ABCA13: variants seen among roughly 807,000 people sequenced by gnomAD.
ABCA13 encodes ATP binding cassette subfamily A member 13, also known as ATP-binding cassette sub-family A member 13.
In ABCA13, 476 loss-of-function variants were observed where a neutral mutation model predicts 478.7. That is an observed-to-expected ratio of 0.99 (90% CI 0.92 to 1.07). The LOEUF (loss-of-function observed/expected upper bound fraction) is 1.07, where lower values mean the gene tolerates loss of function less well. Ranked by LOEUF, ABCA13 falls within the 50% of genes least tolerant of loss-of-function variation. ABCA13 has a pLI of 0.00. For synonymous variants in ABCA13, 2,252 were observed against 2,158.9 expected (o/e 1.04, Z -1.20); for missense variants, 6,060 against 5,910.6 (o/e 1.03, Z -0.83).
At chr7:48,293,636 A>G (rs1401060091) in intron 20 of ABCA13, among the ~76,000 whole-genome samples, 2 of 152,190 alleles carry the variant, frequency 1.3e-5, no homozygotes, top group Non-Finnish European at 2.9e-5. Context: ...CATAGATGTT[A>G]TATGTTTGTG....
At chr7:48,317,439 T>C (rs926910432) in intron 27 of ABCA13, 143 bp downstream of exon 27, 14 of 987,230 alleles carry the variant, frequency 1.4e-5, no homozygotes, top group Non-Finnish European at 2.0e-5. Flanking sequence ...TTAGCCTGAG[T>C]GTTTTTCCTG....
rs547964868 is a variant in ABCA13 at position 48,306,442 on chromosome 7, G to A, written c.9322-3505G>A. Among the ~76,000 whole-genome samples the A allele has an allele frequency of 3.3e-4, 50 of 152,320 alleles. 1 individual carries two copies. Among genetic ancestry groups the A allele is most frequent in the Non-Finnish European group, 5.3e-4 (36 of 68,030 alleles). On this transcript the variant is annotated intron_variant, in intron 23 of 61. Coordinates refer to ENST00000435803, the MANE Select transcript of ABCA13 (RefSeq NM_152701.5). ...AGCCAGGGTGATTCCCCTGAATTGG[G>A]GGTTTGGATGAGGTCCATTTTGAGG...
rs1471929455 is a variant in ABCA13 at position 48,288,019 on chromosome 7, A to G, written c.8896A>G (p.Ile2966Val). 2 of 1,614,030 alleles carry G rather than the reference A, an allele frequency of 1.2e-6. No individual in the cohort carries two copies. The highest frequency in any genetic ancestry group is 1.1e-5 in the South Asian group (1 of 91,080). Residue 2966 changes from isoleucine to valine, a missense_variant, in exon 20 of 62, where the codon ATA (isoleucine) becomes GTA (valine). Physicochemically the swap from Ile to Val is conservative, Grantham distance 29. Coordinates refer to ENST00000435803, the MANE Select transcript of ABCA13 (RefSeq NM_152701.5). ...CATLSCKQNG[I>V]RHLILSAIQG... ...TACTCTGAGTTGCAAGCAAAATGGGATAAGGCATCTCATTTTATCTGCTAT... is the reference window on the plus strand; with the variant it reads ...TACTCTGAGTTGCAAGCAAAATGGGGTAAGGCATCTCATTTTATCTGCTAT...
At chr7:48,177,716 ACTC>A (rs1168677279) in intron 1 of ABCA13, among the ~76,000 whole-genome samples, 39 of 152,044 alleles carry the variant, frequency 2.6e-4, no homozygotes, top group African/African-American at 8.9e-4. Flanking sequence ...GTGAGATGGA[ACTC>A]CTGATAACTC....
In ABCA13 at chr7:48,281,358, T is replaced by C. The variant is rs754996071; in HGVS notation, c.8742T>C (p.Cys2914=). 1.2e-6 allele frequency: 2 copies of C among 1,605,562 alleles called. No individual in the cohort carries two copies. The highest frequency in any genetic ancestry group is 1.7e-6 in the Non-Finnish European group (2 of 1,175,948). The change falls in exon 19 of 62, where the codon TGT becomes TGC. Residue 2914 remains cysteine, a synonymous_variant. Coordinates refer to ENST00000435803, the MANE Select transcript of ABCA13 (RefSeq NM_152701.5). ...TTTTGCTAAGTGTTGTTGAGATTTGTGAAGTTTTCCAGCAGACTGTGAAGC... is the reference window on the plus strand; with the variant it reads ...TTTTGCTAAGTGTTGTTGAGATTTGCGAAGTTTTCCAGCAGACTGTGAAGC... ...PLTDQSVVEI[C]EVFQQTVKPS... is the part of the protein sequence containing the mutation.
intron 41 of ABCA13, among the ~76,000 whole-genome samples, chr7:48,426,037 G>C (rs13236501): frequency 1.1e-4 from 16 of 152,050 alleles, no homozygotes; most frequent in African/African-American, 3.9e-4. Context: ...CACCGCGCCC[G>C]GCCTCTTATT....
Position 48,274,810 on chromosome 7 carries a change from A to G in ABCA13, c.5144A>G (p.Lys1715Arg), listed in dbSNP as rs1467623235. ...VVNLLVGLMEKFADSSHSWNV... is the reference protein window; with the variant it reads ...VVNLLVGLMERFADSSHSWNV... ...AATTTGCTTGTTGGCTTGATGGAAAAATTTGCAGACAGCTCACATTCTTGG... is the reference window on the plus strand; with the variant it reads ...AATTTGCTTGTTGGCTTGATGGAAAGATTTGCAGACAGCTCACATTCTTGG... The change falls in exon 17 of 62, where the codon AAA becomes AGA. Residue 1715 changes from lysine to arginine, a missense_variant. Transcript: ENST00000435803. 1 of 1,613,914 alleles carries G rather than the reference A, an allele frequency of 6.2e-7. No homozygotes were observed. Among genetic ancestry groups the G allele is most frequent in the South Asian group, 1.1e-5 (1 of 91,080 alleles).
At chr7:48,341,887 T>TATATATCTTTCTGATATATATAC in intron 29 of ABCA13, among the ~76,000 whole-genome samples, 1 of 145,302 alleles carries the variant, frequency 6.9e-6, no homozygotes, top group Non-Finnish European at 1.5e-5. Context: ...CTGATATATA[T>TATATATCTTTCTGATATATATAC]ATATATATCT....
In ABCA13 at chr7:48,387,813, A is replaced by AT. The variant is rs1815415930; in HGVS notation, c.11336-3dup. 6 of 1,547,490 alleles carry AT rather than the reference A, an allele frequency of 3.9e-6. No individual in the cohort carries two copies. Among genetic ancestry groups the AT allele is most frequent in the South Asian group, 1.2e-5 (1 of 81,430 alleles). ...AAATTAAACTAATTTTAATTGTTTC[A>AT]TTTTTTAGGAACATTTGGTTTACGG... On this transcript the variant is annotated splice_polypyrimidine_tract_variant and intron_variant, in intron 35 of 61. Coordinates refer to ENST00000435803, the MANE Select transcript of ABCA13 (RefSeq NM_152701.5).
At chr7:48,265,179 T>G (rs530559343) in intron 15 of ABCA13, among the ~76,000 whole-genome samples, 16 of 151,870 alleles carry the variant, frequency 1.1e-4, no homozygotes, top group African/African-American at 3.9e-4. Context: ...ACTATCTTGG[T>G]TATCATAGCT....
At chr7:48,619,826 A>G (rs975714374) in intron 59 of ABCA13, among the ~76,000 whole-genome samples, 1 of 152,024 alleles carries the variant, frequency 6.6e-6, no homozygotes, top group Non-Finnish European at 1.5e-5. Context: ...AGACAGGTAG[A>G]CCTCTGCAAC....
At chr7:48,410,977 C>CTCTCTCTTTCTT (rs1554499567) in intron 40 of ABCA13, among the ~76,000 whole-genome samples, 7 of 104,696 alleles carry the variant, frequency 6.7e-5, no homozygotes, top group African/African-American at 2.2e-4. Flanking sequence ...AAATTCTTTT[C>CTCTCTCTTTCTT]TCTTTCTTTC....
intron 14 of ABCA13, among the ~76,000 whole-genome samples, chr7:48,248,704 T>C (rs889278133): frequency 2.6e-5 from 4 of 152,210 alleles, no homozygotes; most frequent in African/African-American, 9.6e-5. Flanking sequence ...GTCCAAGGTA[T>C]GCATGTGATG....
intron 15 of ABCA13, among the ~76,000 whole-genome samples, chr7:48,265,652 A>G (rs1055424860): frequency 6.6e-6 from 1 of 151,612 alleles, no homozygotes; most frequent in African/African-American, 2.4e-5. Flanking sequence ...AACATGCTAA[A>G]TTTACTTTTT....
chr7:48,427,665 A>C, intron 41 of ABCA13, 101 bp from the exon 42 acceptor site: 2 of 730,982 alleles, frequency 2.7e-6, no homozygotes, highest in Middle Eastern at 2.8e-4. Flanking sequence ...TGTGTTTGGC[A>C]TATGTTGTCA....
Position 48,278,406 on chromosome 7 carries a change from A to T in ABCA13, c.7212A>T (p.Lys2404Asn), listed in dbSNP as rs1432515035. ...TGAATAAGTCTGAGGACCTCTTCAA[A>T]CTCAATCAAGATCTTGGGTCAGCTC... ...FHVNKSEDLF[K>N]LNQDLGSALH... is the part of the protein sequence containing the mutation. The change falls in exon 18 of 62, where the codon AAA (lysine) becomes AAT (asparagine). Residue 2404 changes from lysine to asparagine, a missense_variant. Transcript: ENST00000435803. 6.2e-7 allele frequency: 1 copy of T among 1,613,904 alleles called. No homozygotes were observed.
Position 48,198,337 on chromosome 7 carries a change from A to G in ABCA13, c.264A>G (p.Glu88=). The change falls in exon 3 of 62, where the codon GAA becomes GAG. Residue 88 remains glutamate, a synonymous_variant. Transcript: ENST00000435803. ...TGSRCRNFSY[E]GSMEHHFRLS... The stretch of plus-strand genomic sequence containing the variant: ...CAAGGTGTAGGAACTTCAGCTATGA[A>G]GGGTCAATGGAGCATCATTTTCGGT... 3.7e-6 allele frequency: 6 copies of G among 1,613,806 alleles called. No homozygotes were observed. The highest frequency in any genetic ancestry group is 5.1e-6 in the Non-Finnish European group (6 of 1,179,806).
In ABCA13 at chr7:48,273,203, C is replaced by T; in HGVS notation, c.3537C>T (p.Phe1179=). The change falls in exon 17 of 62, where the codon TTC becomes TTT. Residue 1179 remains phenylalanine, a synonymous_variant. Transcript: ENST00000435803. ...MNVFTSLHHG[F]TQLLDELEDD... Reference sequence around the variant, plus strand: ...TTTTCACATCTCTTCATCATGGTTTCACTCAGCTTTTGGATGAATTGGAAG... The same window carrying T: ...TTTTCACATCTCTTCATCATGGTTTTACTCAGCTTTTGGATGAATTGGAAG... 6.2e-7 allele frequency: 1 copy of T among 1,613,678 alleles called. No homozygotes were observed. The highest frequency in any genetic ancestry group is 8.5e-7 in the Non-Finnish European group (1 of 1,179,764).
At chr7:48,399,803 C>T (rs1817344441) in intron 38 of ABCA13, among the ~76,000 whole-genome samples, 2 of 152,120 alleles carry the variant, frequency 1.3e-5, no homozygotes, top group African/African-American at 4.8e-5. Context: ...GGGGCTTCAG[C>T]AGAGGTGGGG....
Sources: gnomAD v4.1 joint callset for allele counts (sites outside exome capture counted in the v4.1 genomes callset) on GRCh38, gnomAD v4.1.1 for gene constraint, MANE v1.5 for transcripts, NCBI Gene and HGNC (gene_info 2026-07-23, HGNC 2026-07-21) for gene names.